FHIP2A: variants seen among roughly 807,000 people sequenced by gnomAD.
FHIP2A encodes FHF complex subunit HOOK interacting protein 2A.
Under a neutral mutation model 93.5 loss-of-function variants are expected in FHIP2A, and 46 were observed. The observed-to-expected ratio is 0.49, with a 90% confidence interval of 0.39 to 0.63. The LOEUF (loss-of-function observed/expected upper bound fraction) is 0.63, where lower values mean the gene tolerates loss of function less well. Among genes scored for constraint, FHIP2A ranks in the 20% least tolerant of loss-of-function variants. FHIP2A has a pLI of 0.00. For missense variants in FHIP2A, 769 were observed against 909.7 expected (o/e 0.85, Z 1.99); for synonymous variants, 332 against 326.5 (o/e 1.02, Z -0.18).
At chr10:114,822,669 G>T (rs901381176) in intron 1 of FHIP2A, among the ~76,000 whole-genome samples, 2 of 152,236 alleles carry the variant, frequency 1.3e-5, no homozygotes, top group African/African-American at 4.8e-5. Flanking sequence ...CCGCCGACCA[G>T]CCCCCGGGTT....
intron 16 of FHIP2A, among the ~76,000 whole-genome samples, chr10:114,877,062 T>G (rs1023003001): frequency 2.6e-5 from 4 of 152,182 alleles, no homozygotes; most frequent in African/African-American, 9.7e-5. Flanking sequence ...GAAGTTTTGT[T>G]CTGTTTATGC....
chr10:114,864,758 T>C (rs912261982), downstream of FHIP2A: 4 of 940,750 alleles, frequency 4.3e-6, no homozygotes, highest in Non-Finnish European at 3.8e-6. Flanking sequence ...GAACATTTTA[T>C]CCAATGATAA....
In FHIP2A at chr10:114,889,293, G is replaced by C. The variant is rs149575189; in HGVS notation, c.2193-10197G>C. Among the ~76,000 whole-genome samples the C allele has an allele frequency of 7.2e-3, 1,094 of 152,166 alleles. 12 individuals are homozygous for C. The highest frequency in any genetic ancestry group is 0.025 in the African/African-American group (1,050 of 41,498). On this transcript the variant is annotated intron_variant, in intron 16 of 16. Coordinates refer to the FHIP2A transcript ENST00000369250. Reference sequence around the variant, plus strand: ...TAGAACTCAAACATTATAAAAGAAGGCTTGTTCTCCGCCTCTGCATAATCC... The same window carrying C: ...TAGAACTCAAACATTATAAAAGAAGCCTTGTTCTCCGCCTCTGCATAATCC...
In FHIP2A at chr10:114,824,905, A is replaced by G. The variant is rs183361643; in HGVS notation, c.45+2782A>G. Reference sequence around the variant, plus strand: ...CTGGATGCTGACATGAGCTTTTTTCATTATTTTGTTGGATCAGTCTGTGGA... The same window carrying G: ...CTGGATGCTGACATGAGCTTTTTTCGTTATTTTGTTGGATCAGTCTGTGGA... On this transcript the variant is annotated intron_variant, in intron 1 of 16. Coordinates refer to ENST00000369248, the MANE Select transcript of FHIP2A (RefSeq NM_020940.4). 1.9e-3 allele frequency among the ~76,000 whole-genome samples: 293 copies of G among 152,228 alleles called. 1 individual carries two copies. Among genetic ancestry groups the G allele is most frequent in the Admixed American group, 6.3e-3 (97 of 15,292 alleles).
intron 13 of FHIP2A, among the ~76,000 whole-genome samples, chr10:114,854,616 C>T (rs145809452): frequency 2.6e-5 from 4 of 152,268 alleles, no homozygotes; most frequent in South Asian, 4.1e-4. Context: ...TTGTTAGGAA[C>T]GTTTTTAAGT....
chr10:114,877,111 C>T (rs1201210234), intron 16 of FHIP2A, among the ~76,000 whole-genome samples: 3 of 152,218 alleles, frequency 2.0e-5, no homozygotes, highest in Middle Eastern at 3.4e-3. Flanking sequence ...CAAGGACAAA[C>T]GTACAACGAA....
rs760018864 is a variant in FHIP2A, at chr10:114,836,138, C to T, written c.414C>T (p.Leu138=). 1.9e-6 allele frequency: 3 copies of T among 1,582,788 alleles called. No homozygotes were observed. The highest frequency in any genetic ancestry group is 2.6e-6 in the Non-Finnish European group (3 of 1,158,450). The change falls in exon 5 of 17, where the codon CTC becomes CTT. Residue 138 remains leucine, a synonymous_variant. Coordinates refer to ENST00000369248, the MANE Select transcript of FHIP2A (RefSeq NM_020940.4). The part of the protein sequence containing the change: ...VHRPVQKLIR[L]CGEVLATPTE... The stretch of plus-strand genomic sequence containing the variant: ...TGTTTTCACAGAAATTAATTAGACT[C>T]TGTGGTGAAGTCCTAGCAACACCAA...
At chr10:114,843,588 A>C (rs1365680048) in intron 6 of FHIP2A, among the ~76,000 whole-genome samples, 153 bp from the exon 7 acceptor site, 1 of 152,154 alleles carries the variant, frequency 6.6e-6, no homozygotes, top group Non-Finnish European at 1.5e-5. Flanking sequence ...ACAGGTGTGA[A>C]GCTCCACAGT....
At chr10:114,840,746 G>A (rs934419586) in intron 5 of FHIP2A, among the ~76,000 whole-genome samples, 14 of 152,174 alleles carry the variant, frequency 9.2e-5, no homozygotes, top group Non-Finnish European at 4.4e-5. Flanking sequence ...GCTGCTGCTA[G>A]TAGAAAAACA....
At chr10:114,898,974 A>C (rs115283158) in intron 16 of FHIP2A, among the ~76,000 whole-genome samples, 2 of 152,178 alleles carry the variant, frequency 1.3e-5, no homozygotes, top group Non-Finnish European at 2.9e-5. Flanking sequence ...GAAGTTTGGT[A>C]AGCATTTGTA....
At chr10:114,831,128 G>T (rs1461542599) in intron 2 of FHIP2A, among the ~76,000 whole-genome samples, 198 bp downstream of exon 2, 1 of 152,198 alleles carries the variant, frequency 6.6e-6, no homozygotes, top group Non-Finnish European at 1.5e-5. Context: ...GTCAGGCATT[G>T]TTGAGGCACT....
In FHIP2A at chr10:114,855,264, G is replaced by T; in HGVS notation, c.1871G>T (p.Cys624Phe). The T allele has an allele frequency of 6.2e-7, 1 of 1,614,010 alleles. No individual in the cohort carries two copies. The highest frequency in any genetic ancestry group is 8.5e-7 in the Non-Finnish European group (1 of 1,179,928). Reference protein sequence around the residue: ...WPGSPKALEKCNLEAAFFEGH... With the variant: ...WPGSPKALEKFNLEAAFFEGH... ...GGGTCTCCAAAAGCATTGGAAAAGT[G>T]CAATTTAGAAGCTGCTTTCTTTGAA... is the stretch of plus-strand genomic sequence containing the variant. Residue 624 changes from cysteine (C) to phenylalanine (F), a missense_variant, in exon 14 of 17, where the codon TGC (cysteine) becomes TTC (phenylalanine). Transcript: ENST00000369248.
chr10:114,843,865 C>T lies in FHIP2A; in HGVS notation c.941C>T (p.Ala314Val), dbSNP rs2083684654. 1 of 1,611,358 alleles carries T rather than the reference C, an allele frequency of 6.2e-7. No individual in the cohort carries two copies. Among genetic ancestry groups the T allele is most frequent in the South Asian group, 1.1e-5 (1 of 90,602 alleles). ...CLCELLTDRL[A>V]SLYKALPQSV... ...TGTGAACTACTGACAGACAGACTTG[C>T]CTCCCTGTACAAGGCCCTACCTCAG... Residue 314 changes from alanine to valine, a missense_variant, in exon 7 of 17, where the codon GCC (alanine) becomes GTC (valine). By Grantham distance (64) the Ala-to-Val change is moderately conservative. Transcript: ENST00000369248.
chr10:114,836,510 G>T (rs17663670), intron 5 of FHIP2A, among the ~76,000 whole-genome samples: 62,127 of 152,032 alleles, frequency 0.41, 13,299 homozygotes, highest in Non-Finnish European at 0.48. Flanking sequence ...CAGCTTGAAG[G>T]TTGAATCAGA....
At chr10:114,870,694 C>T (rs765369848) in intron 16 of FHIP2A, among the ~76,000 whole-genome samples, 9 of 152,116 alleles carry the variant, frequency 5.9e-5, no homozygotes, top group South Asian at 4.1e-4. Flanking sequence ...AGGGCTCTGA[C>T]GAGGAGAGGG....
intron 16 of FHIP2A, chr10:114,899,407 A>G (rs1361570598): frequency 1.4e-6 from 1 of 712,398 alleles, no homozygotes. Context: ...TTAAGCACAT[A>G]GTTAGATCCG....
chr10:114,832,472 A>C (rs1231071982), intron 2 of FHIP2A, among the ~76,000 whole-genome samples: 1 of 152,170 alleles, frequency 6.6e-6, no homozygotes, highest in African/African-American at 2.4e-5. Context: ...TCCTCTTCAT[A>C]TATCCCAGGT....
intron 16 of FHIP2A, among the ~76,000 whole-genome samples, chr10:114,872,693 C>T (rs1433109425): frequency 3.9e-5 from 6 of 152,132 alleles, no homozygotes; most frequent in Non-Finnish European, 8.8e-5. Context: ...GCTATATGGT[C>T]CCACAAGGCA....
At chr10:114,875,129 C>T (rs551819587) in intron 16 of FHIP2A, among the ~76,000 whole-genome samples, 57 of 152,284 alleles carry the variant, frequency 3.7e-4, no homozygotes, top group African/African-American at 1.3e-3. Flanking sequence ...GCTCTGCAGC[C>T]CTGGATGGGC....
Sources: allele counts gnomAD v4.1 joint callset (sites outside exome capture counted in the v4.1 genomes callset), GRCh38; gene constraint gnomAD v4.1.1; transcripts MANE v1.5; gene names NCBI Gene and HGNC (gene_info 2026-07-23, HGNC 2026-07-21).